Variants in PARVB observed in about 807,000 individuals in gnomAD.
PARVB encodes parvin beta.
In PARVB, 46 loss-of-function variants were observed where a neutral mutation model predicts 47.0. The ratio of observed to expected loss-of-function variants is 0.98; its 90% CI spans 0.77 to 1.25. The LOEUF is 1.25. PARVB is among the 50% of genes most tolerant of loss of function. The pLI, the probability that PARVB is intolerant of heterozygous loss-of-function variation, is 0.00. For synonymous variants in PARVB, 196 were observed against 196.3 expected, an observed-to-expected ratio of 1.00 and a Z score of 0.01; for missense variants, 473 against 471.6, an observed-to-expected ratio of 1.00 and a Z score of -0.03.
At chr22:44,066,900 G>A (rs757827906) in intron 1 of PARVB, among the ~76,000 whole-genome samples, 2 of 144,088 alleles carry the variant, frequency 1.4e-5, no homozygotes, top group Non-Finnish European at 3.0e-5. Flanking sequence ...CTTAGGCAGG[G>A]TCTCACTCTG....
rs756650336 is a variant in PARVB at position 44,158,047 on chromosome 22, C to T, written c.909C>T (p.His303=). 1 of 1,613,944 alleles carries T rather than the reference C, an allele frequency of 6.2e-7. No individual in the cohort carries two copies. The highest frequency in any genetic ancestry group is 1.1e-5 in the South Asian group (1 of 91,084). The change falls in exon 11 of 13, where the codon CAC becomes CAT. Residue 303 remains histidine, a synonymous_variant. Transcript: ENST00000338758. ...GLLEDYFVPL[H]HFYLTPESFD... ...TGGAAGACTACTTTGTTCCTCTCCA[C>T]CACTTCTACCTGACTCCGGAAAGCT...
At chr22:44,127,847 G>A (rs552389121) in intron 4 of PARVB, among the ~76,000 whole-genome samples, 41 of 132,992 alleles carry the variant, frequency 3.1e-4, no homozygotes, top group East Asian at 1.4e-3. Context: ...GTGCAGTGGC[G>A]TGATCACAGC....
intron 4 of PARVB, among the ~76,000 whole-genome samples, chr22:44,126,678 C>T (rs536928582): frequency 2.2e-4 from 34 of 152,288 alleles, no homozygotes; most frequent in South Asian, 1.0e-3. Flanking sequence ...AAGCAGTCCC[C>T]CCAATTGGTA....
intron 3 of PARVB, chr22:44,112,759 C>G (rs928756586): frequency 6.3e-5 from 1 of 15,794 alleles, no homozygotes; most frequent in South Asian, 8.5e-4. Flanking sequence ...TGCACCAACA[C>G]AGATACATTG....
intron 7 of PARVB, chr22:44,139,853 C>T (rs2147183449): frequency 4.1e-6 from 2 of 488,806 alleles, no homozygotes; most frequent in South Asian, 5.4e-5. Context: ...CTCCAAACAA[C>T]ATTACCAGGG....
At position 44,083,489 on chromosome 22, in the gene PARVB, C is replaced by T. The variant is rs368234727; in HGVS notation, c.113-10439C>T. ...GAATAGGGTTTGTCATTGTCATGTG[C>T]ACGGGGAGCTGTGGAAACCCAGAGG... On this transcript the variant is annotated intron_variant, in intron 1 of 12. Coordinates refer to ENST00000338758, the MANE Select transcript of PARVB (RefSeq NM_013327.5). Among the ~76,000 whole-genome samples, 20 of 152,218 alleles carry T rather than the reference C, an allele frequency of 1.3e-4. No individual in the cohort carries two copies. The South Asian group carries it at 3.9e-3, about 30-fold the overall frequency.
intron 4 of PARVB, 41 bp downstream of exon 4, chr22:44,119,181 C>T: frequency 7.2e-7 from 1 of 1,379,670 alleles, no homozygotes; most frequent in Non-Finnish European, 1.0e-6. Flanking sequence ...ACCCCCATCT[C>T]CCTGCAGCGG....
rs1050011388 is a variant in PARVB, at chr22:44,049,023, A to T, written c.112+24572A>T. On this transcript the variant is annotated intron_variant, in intron 1 of 12. Coordinates refer to ENST00000338758, the MANE Select transcript of PARVB (RefSeq NM_013327.5). The surrounding 1 kb of genome is among the most constrained non-coding windows in gnomAD (Gnocchi z 4.0). ...TCCATTTTGCCGAGGAGGGAACAGAAGTGTGGAGTCCTCCCAGCCACATGG... is the reference window on the plus strand; with the variant it reads ...TCCATTTTGCCGAGGAGGGAACAGATGTGTGGAGTCCTCCCAGCCACATGG... Among the ~76,000 whole-genome samples, 2 of 152,190 alleles carry T rather than the reference A, an allele frequency of 1.3e-5. No individual in the cohort carries two copies. Among genetic ancestry groups the T allele is most frequent in the Non-Finnish European group, 2.9e-5 (2 of 68,028 alleles).
At chr22:44,056,340 A>G (rs1469147169) in intron 1 of PARVB, among the ~76,000 whole-genome samples, 1 of 152,146 alleles carries the variant, frequency 6.6e-6, no homozygotes, top group South Asian at 2.1e-4. Context: ...TTTAATTAAG[A>G]GGCAGGGAGC....
intron 1 of PARVB, among the ~76,000 whole-genome samples, chr22:44,093,441 G>A (rs1161600149): frequency 6.6e-6 from 1 of 152,216 alleles, no homozygotes; most frequent in East Asian, 1.9e-4. Flanking sequence ...GCCTGTGAAT[G>A]TGGCCATCAC....
At chr22:44,084,228 G>A (rs987142541) in intron 1 of PARVB, among the ~76,000 whole-genome samples, 94 of 152,192 alleles carry the variant, frequency 6.2e-4, no homozygotes, top group Non-Finnish European at 1.2e-3. Flanking sequence ...GCCCATCCCT[G>A]ACTGTGTTCC....
rs114437789 is a variant in PARVB at position 44,089,949 on chromosome 22, T to C, written c.113-3979T>C. On this transcript the variant is annotated intron_variant, in intron 1 of 12. Transcript: ENST00000338758. This position sits in a 1 kb window ranked among gnomAD's most constrained non-coding sequence, Gnocchi z 4.0. ...AAGCCCTCCATGCTTCTCTGTGGAA[T>C]AGGGGACCTCGCCTGCCTTGTGGTC... Among the ~76,000 whole-genome samples the C allele has an allele frequency of 6.5e-3, 991 of 152,320 alleles. 9 individuals are homozygous for C. The highest frequency in any genetic ancestry group is 0.022 in the African/African-American group (903 of 41,578).
intron 2 of PARVB, among the ~76,000 whole-genome samples, chr22:44,001,711 T>C (rs867941629): frequency 2.0e-5 from 3 of 152,230 alleles, no homozygotes; most frequent in Admixed American, 6.5e-5. Flanking sequence ...CATTTTACCA[T>C]TGGCAGCAAA....
At position 44,099,465 on chromosome 22, in the gene PARVB, G is replaced by A. The variant is rs149993884; in HGVS notation, c.203-588G>A. On this transcript the variant is annotated intron_variant, in intron 2 of 12. Coordinates refer to ENST00000338758, the MANE Select transcript of PARVB (RefSeq NM_013327.5). ...CTGAAACGTGGAGGGAAAGCAAACA[G>A]GTAGAGAAATAGAAAGAGGGTGAGG... is the stretch of plus-strand genomic sequence containing the variant. 1.4e-3 allele frequency among the ~76,000 whole-genome samples: 208 copies of A among 152,176 alleles called. 1 individual carries two copies. Among genetic ancestry groups the A allele is most frequent in the Non-Finnish European group, 1.6e-3 (108 of 68,004 alleles).
At chr22:44,039,951 AC>A (rs1304585912) in intron 1 of PARVB, 2 of 436,968 alleles carry the variant, frequency 4.6e-6, no homozygotes, top group East Asian at 7.5e-5. Flanking sequence ...AGGAGCGAGG[AC>A]CACAGGTGTG....
intron 1 of PARVB, chr22:44,069,028 C>T: frequency 8.1e-7 from 1 of 1,239,780 alleles, no homozygotes; most frequent in East Asian, 2.4e-5. Context: ...CCCAAAGAGG[C>T]TTTCCCTTGA....
Position 44,148,142 on chromosome 22 carries a change from C to A in PARVB, c.774+220C>A, listed in dbSNP as rs371337901. On this transcript the variant is annotated intron_variant, in intron 9 of 12. Coordinates refer to ENST00000338758, the MANE Select transcript of PARVB (RefSeq NM_013327.5). ...CTCCCTGGGTGTCTTCCTGCCCGCC[C>A]GCTCCGCTTCTGTTAAGTGAATTAC... 7 of 575,494 alleles carry A rather than the reference C, an allele frequency of 1.2e-5. No individual in the cohort carries two copies. The Admixed American group carries it at 1.7e-4, about 14-fold the overall frequency. 35.6% of individuals were successfully genotyped at this position (575,494 alleles called of 1,614,324 possible).
Position 44,063,897 on chromosome 22 carries a change from T to G in PARVB, c.113-30031T>G, listed in dbSNP as rs538768413. Among the ~76,000 whole-genome samples the G allele has an allele frequency of 2.0e-5, 3 of 152,228 alleles. No individual in the cohort carries two copies. The East Asian group carries it at 5.8e-4, about 29-fold the overall frequency. ...GCCGATGTGCTCTCTGTTGCCACATTCCGTGTCACTTCCCAGGCCTCCCCG... is the reference window on the plus strand; with the variant it reads ...GCCGATGTGCTCTCTGTTGCCACATGCCGTGTCACTTCCCAGGCCTCCCCG... On this transcript the variant is annotated intron_variant, in intron 1 of 12. Coordinates refer to ENST00000338758, the MANE Select transcript of PARVB (RefSeq NM_013327.5).
upstream of PARVB, among the ~76,000 whole-genome samples, chr22:44,020,714 C>T (rs1477624229): frequency 2.6e-5 from 4 of 152,014 alleles, no homozygotes; most frequent in Non-Finnish European, 4.4e-5. Flanking sequence ...CTTCCTTGCC[C>T]TCCCCAGGTG....
Sources: allele counts gnomAD v4.1 joint callset (sites outside exome capture counted in the v4.1 genomes callset), GRCh38; gene constraint gnomAD v4.1.1; non-coding constraint Gnocchi (gnomAD v3.1); transcripts MANE v1.5; gene names NCBI Gene and HGNC (gene_info 2026-07-23, HGNC 2026-07-21).